CTPS2: variants seen among roughly 807,000 people sequenced by gnomAD.
CTPS2 encodes CTP synthase II.
CTPS2 carries 19 observed loss-of-function variants against 46.8 expected under a neutral mutation model. That is an observed-to-expected ratio of 0.41 (90% CI 0.28 to 0.60). The LOEUF is 0.60. CTPS2 is among the 20% of genes least tolerant of loss of function. The pLI is 0.35. For missense variants in CTPS2, 286 were observed against 447.6 expected (o/e 0.64, Z 3.26); for synonymous variants, 151 against 165.2 (o/e 0.91, Z 0.66).
At chrX:16,659,803 G>C in intron 13 of CTPS2, among the ~76,000 whole-genome samples, 1 of 111,253 alleles carries the variant, frequency 9.0e-6, no homozygotes, top group African/African-American at 3.3e-5. Context: ...GCCTCCCGAA[G>C]TGCTGGGATT....
intron 17 of CTPS2, among the ~76,000 whole-genome samples, chrX:16,603,003 G>C (rs1356049421): frequency 1.8e-5 from 2 of 111,581 alleles, no homozygotes; most frequent in Non-Finnish European, 3.8e-5. Context: ...TTCATTTTCA[G>C]CTGTTCCTTG....
intron 13 of CTPS2, among the ~76,000 whole-genome samples, chrX:16,661,764 TG>T (rs1450025131): frequency 9.0e-6 from 1 of 111,427 alleles, no homozygotes; most frequent in Non-Finnish European, 1.9e-5. Flanking sequence ...AATATCCATT[TG>T]CATCTCGTTA....
intron 13 of CTPS2, among the ~76,000 whole-genome samples, chrX:16,640,049 C>T (rs1265054860): frequency 1.8e-5 from 2 of 111,236 alleles, no homozygotes; most frequent in Non-Finnish European, 3.8e-5. Context: ...ACTGGCCACT[C>T]AACATTCCCA....
At chrX:16,612,006 A>G (rs960772333) in intron 16 of CTPS2, among the ~76,000 whole-genome samples, 3 of 112,027 alleles carry the variant, frequency 2.7e-5, no homozygotes, top group African/African-American at 9.7e-5. Flanking sequence ...GTGCTTTTGT[A>G]TCACTACAGA....
intron 13 of CTPS2, among the ~76,000 whole-genome samples, chrX:16,641,813 T>G (rs73448296): frequency 0.012 from 1,343 of 111,806 alleles, 27 homozygotes; most frequent in African/African-American, 0.041. Flanking sequence ...GACAAACACT[T>G]GAAGACCAGA....
chrX:16,679,496 A>C (rs1922563933), intron 9 of CTPS2, among the ~76,000 whole-genome samples: 1 of 112,003 alleles, frequency 8.9e-6, no homozygotes, highest in African/African-American at 3.2e-5. Flanking sequence ...CAGCGAGAGG[A>C]CAGACCTGAT....
At chrX:16,694,420 G>A (rs1389118606) in intron 4 of CTPS2, among the ~76,000 whole-genome samples, 1 of 111,085 alleles carries the variant, frequency 9.0e-6, no homozygotes, top group Non-Finnish European at 1.9e-5. Flanking sequence ...CTCCTTGGAG[G>A]GCAGACTCTG....
At chrX:16,651,860 G>T (rs1211561296) in intron 13 of CTPS2, among the ~76,000 whole-genome samples, 3 of 111,545 alleles carry the variant, frequency 2.7e-5, no homozygotes, top group Admixed American at 1.9e-4. Context: ...TAAAGAAAAA[G>T]CTGAGTCAGG....
chrX:16,663,501 TACACACACAAAAAC>T (rs1166934752), intron 13 of CTPS2, among the ~76,000 whole-genome samples: 6 of 110,735 alleles, frequency 5.4e-5, no homozygotes, highest in Non-Finnish European at 1.1e-4. Flanking sequence ...TAAGTGGGTA[TACACACACAAAAAC>T]ACACACACAA....
At chrX:16,640,261 C>T (rs1468884715) in intron 13 of CTPS2, among the ~76,000 whole-genome samples, 1 of 111,531 alleles carries the variant, frequency 9.0e-6, no homozygotes, top group Non-Finnish European at 1.9e-5. Flanking sequence ...TTCCTCCCGC[C>T]GTGGCGACTT....
chrX:16,640,421 T>G (rs752203217), intron 13 of CTPS2, among the ~76,000 whole-genome samples: 141 of 111,311 alleles, frequency 1.3e-3, no homozygotes, highest in Non-Finnish European at 1.7e-3. Context: ...CATAGCTGAG[T>G]CAGGGTCCTC....
intron 13 of CTPS2, among the ~76,000 whole-genome samples, chrX:16,653,433 C>A (rs951228241): frequency 8.9e-6 from 1 of 112,163 alleles, no homozygotes; most frequent in African/African-American, 3.2e-5. Flanking sequence ...CACAGCAAGA[C>A]CTTGTCTCTA....
chrX:16,692,104 C>G (rs956754357), intron 6 of CTPS2, among the ~76,000 whole-genome samples: 2 of 111,570 alleles, frequency 1.8e-5, no homozygotes, highest in Admixed American at 1.9e-4. Context: ...CTGACAGAGA[C>G]TACTGGTGAT....
chrX:16,648,268 T>C (rs766933738), intron 13 of CTPS2, among the ~76,000 whole-genome samples: 1 of 111,892 alleles, frequency 8.9e-6, no homozygotes, highest in Non-Finnish European at 1.9e-5. Flanking sequence ...GAGAATGTCT[T>C]TGTCCTTAGG....
At chrX:16,702,971 AAG>A in intron 1 of CTPS2, 30 bp from the exon 2 acceptor site, 2 of 981,821 alleles carry the variant, frequency 2.0e-6, no homozygotes, top group Non-Finnish European at 2.8e-6. Flanking sequence ...TGGATAAGGA[AAG>A]AGAAATATTT....
chrX:16,684,334 C>T (rs1213362456), intron 8 of CTPS2, among the ~76,000 whole-genome samples: 2 of 109,359 alleles, frequency 1.8e-5, no homozygotes, highest in East Asian at 5.7e-4. Flanking sequence ...CATGGTGAAA[C>T]CTCGTCTCTA....
At chrX:16,608,162 G>C (rs1296233381) in intron 17 of CTPS2, among the ~76,000 whole-genome samples, 1 of 111,273 alleles carries the variant, frequency 9.0e-6, no homozygotes, top group African/African-American at 3.3e-5. Flanking sequence ...GCAGTGAGCT[G>C]AGATTGCTCC....
intron 13 of CTPS2, among the ~76,000 whole-genome samples, chrX:16,663,523 C>T (rs1430149223): frequency 9.0e-6 from 1 of 111,141 alleles, no homozygotes; most frequent in Non-Finnish European, 1.9e-5. Context: ...AACACACACA[C>T]AAATCTCTGA....
At chrX:16,690,973 TA>T (rs1475581032) in intron 7 of CTPS2, among the ~76,000 whole-genome samples, 1 of 112,227 alleles carries the variant, frequency 8.9e-6, no homozygotes, top group African/African-American at 3.2e-5. Flanking sequence ...AAAGAGATGA[TA>T]AGTAGGCTTC....
Sources: gnomAD v4.1 joint callset for allele counts (sites outside exome capture counted in the v4.1 genomes callset) on GRCh38, gnomAD v4.1.1 for gene constraint, MANE v1.5 for transcripts, NCBI Gene and HGNC (gene_info 2026-07-23, HGNC 2026-07-21) for gene names.